Variants in DLG2 observed in about 807,000 individuals in gnomAD.
The protein encoded by DLG2 is discs large MAGUK scaffold protein 2, also known as disks large homolog 2.
Under a neutral mutation model 132.5 loss-of-function variants are expected in DLG2, and 45 were observed. The ratio of observed to expected loss-of-function variants is 0.34; its 90% CI spans 0.27 to 0.44. The LOEUF (loss-of-function observed/expected upper bound fraction) is 0.44. DLG2 is among the 20% of genes least tolerant of loss of function. The pLI, the probability that DLG2 is intolerant of heterozygous loss-of-function variation, is 1.00. For missense variants in DLG2, 1,045 were observed against 1,196.9 expected (o/e 0.87, Z 1.87); for synonymous variants, 424 against 419.6 (o/e 1.01, Z -0.13).
chr11:83,804,652 C>T (rs2045460183), intron 17 of DLG2, among the ~76,000 whole-genome samples: 1 of 149,166 alleles, frequency 6.7e-6, no homozygotes, highest in Non-Finnish European at 1.5e-5. Flanking sequence ...TTGCAGACGT[C>T]ATTCCACTTT....
chr11:84,266,304 C>A (rs149581081), intron 7 of DLG2, among the ~76,000 whole-genome samples: 1 of 152,142 alleles, frequency 6.6e-6, no homozygotes, highest in Non-Finnish European at 1.5e-5. Context: ...CCTAAAGTGA[C>A]AATTTCATTC....
chr11:83,707,284 A>C (rs929192154), intron 18 of DLG2, among the ~76,000 whole-genome samples: 1 of 152,206 alleles, frequency 6.6e-6, no homozygotes, highest in Admixed American at 6.5e-5. Context: ...TCCTGTTTCT[A>C]TATCTGTCTC....
At chr11:85,342,960 T>C (rs2082597476) in intron 3 of DLG2, among the ~76,000 whole-genome samples, 1 of 152,220 alleles carries the variant, frequency 6.6e-6, no homozygotes, top group Admixed American at 6.5e-5. Context: ...TTTTTTTATC[T>C]ACTATGACTG....
At chr11:85,192,388 T>C (rs941915164) in intron 4 of DLG2, among the ~76,000 whole-genome samples, 14 of 152,158 alleles carry the variant, frequency 9.2e-5, no homozygotes, top group African/African-American at 3.4e-4. Context: ...GACTGTGACA[T>C]AGAGATAGTT....
intron 19 of DLG2, among the ~76,000 whole-genome samples, chr11:83,572,081 G>A (rs1337815280): frequency 2.0e-5 from 3 of 151,620 alleles, no homozygotes; most frequent in Non-Finnish European, 1.5e-5. Context: ...ATTATGAGTG[G>A]GTTATCTTTG....
chr11:83,551,849 A>T (rs1021874515), intron 19 of DLG2, among the ~76,000 whole-genome samples: 8 of 152,214 alleles, frequency 5.3e-5, no homozygotes, highest in African/African-American at 1.7e-4. Flanking sequence ...TATTATTTTC[A>T]TAGTCTCTAC....
chr11:84,933,728 C>T (rs1252821789), intron 6 of DLG2, among the ~76,000 whole-genome samples: 1 of 152,194 alleles, frequency 6.6e-6, no homozygotes, highest in Non-Finnish European at 1.5e-5. Flanking sequence ...TGAGACTTTG[C>T]TGAAGTTGTT....
At chr11:85,220,000 G>C (rs914437105) in intron 4 of DLG2, among the ~76,000 whole-genome samples, 1 of 151,866 alleles carries the variant, frequency 6.6e-6, no homozygotes, top group East Asian at 1.9e-4. Context: ...TTAATTTGGA[G>C]AGTTTATTCA....
In DLG2 at chr11:84,493,579, C is replaced by T. The variant is rs2099171095; in HGVS notation, c.519+40991G>A. 2.0e-5 allele frequency among the ~76,000 whole-genome samples: 3 copies of T among 152,200 alleles called. No homozygotes were observed. In the South Asian group the frequency reaches 6.2e-4, roughly 32 times the overall value. Reference sequence around the variant, plus strand: ...CAGAAAAATGACCCCTCAAGGTGTTCATCTCTACATAAACAGTGAGCAGGC... The same window carrying T: ...CAGAAAAATGACCCCTCAAGGTGTTTATCTCTACATAAACAGTGAGCAGGC... On this transcript the variant is annotated intron_variant, in intron 7 of 27. Transcript: ENST00000376104.
intron 9 of DLG2, among the ~76,000 whole-genome samples, chr11:84,117,057 A>G (rs1439018804): frequency 2.0e-5 from 3 of 151,968 alleles, no homozygotes; most frequent in Non-Finnish European, 1.5e-5. Flanking sequence ...ACTTTCCCTC[A>G]CCTCTTATTC....
chr11:83,934,994 T>C (rs940049825), intron 14 of DLG2, among the ~76,000 whole-genome samples: 1 of 152,320 alleles, frequency 6.6e-6, no homozygotes, highest in Non-Finnish European at 1.5e-5. Flanking sequence ...ATTTTGAGCA[T>C]AAATTTCTTC....
chr11:85,429,628 C>T (rs1285394851), intron 3 of DLG2, among the ~76,000 whole-genome samples: 1 of 152,188 alleles, frequency 6.6e-6, no homozygotes. Context: ...CACTGGCCAT[C>T]AGAGAAATGC....
chr11:84,800,752 T>C (rs1175096232), intron 6 of DLG2: 1 of 152,238 alleles, frequency 6.6e-6, no homozygotes, highest in East Asian at 1.9e-4. Flanking sequence ...TTGATATGAC[T>C]ATATTAAGCC....
At chr11:84,871,832 G>A (rs1362643014) in intron 6 of DLG2, among the ~76,000 whole-genome samples, 2 of 152,026 alleles carry the variant, frequency 1.3e-5, no homozygotes, top group Admixed American at 6.6e-5. Flanking sequence ...AAGCGAGCAT[G>A]TGCGGCTAAT....
chr11:85,588,100 C>T (rs1398201873), intron 3 of DLG2, among the ~76,000 whole-genome samples: 2 of 152,156 alleles, frequency 1.3e-5, no homozygotes, highest in Non-Finnish European at 2.9e-5. Flanking sequence ...TATAGGTTAC[C>T]TGATGCTTTC....
chr11:84,500,700 T>C (rs927078690), intron 7 of DLG2, among the ~76,000 whole-genome samples: 11 of 152,286 alleles, frequency 7.2e-5, no homozygotes, highest in South Asian at 2.1e-4. Flanking sequence ...GTAGAAGATA[T>C]GTGAAGGCAT....
chr11:85,562,660 A>G (rs2077320010), intron 3 of DLG2, among the ~76,000 whole-genome samples: 1 of 151,640 alleles, frequency 6.6e-6, no homozygotes, highest in African/African-American at 2.4e-5. Flanking sequence ...TCTCCAGTTC[A>G]AAAATGGCCT....
At chr11:84,628,212 G>C (rs1475664259) in intron 6 of DLG2, among the ~76,000 whole-genome samples, 1 of 151,800 alleles carries the variant, frequency 6.6e-6, no homozygotes, top group African/African-American at 2.4e-5. Flanking sequence ...CACAGCACCT[G>C]GCACAGATTA....
At chr11:84,391,691 C>T (rs2098792993) in intron 7 of DLG2, among the ~76,000 whole-genome samples, 1 of 151,780 alleles carries the variant, frequency 6.6e-6, no homozygotes, top group South Asian at 2.1e-4. Flanking sequence ...TATTCCGAGA[C>T]TTCTTAATGG....
Sources: allele counts gnomAD v4.1 joint callset (sites outside exome capture counted in the v4.1 genomes callset), GRCh38; gene constraint gnomAD v4.1.1; transcripts MANE v1.5; gene names NCBI Gene and HGNC (gene_info 2026-07-23, HGNC 2026-07-21).